HMCN1: variants seen among roughly 807,000 people sequenced by gnomAD.
HMCN1 encodes hemicentin-1.
In HMCN1, 321 loss-of-function variants were observed where a neutral mutation model predicts 625.9. That is an observed-to-expected ratio of 0.51 (90% confidence interval 0.47 to 0.56). The LOEUF (loss-of-function observed/expected upper bound fraction) is 0.56. HMCN1 is among the 20% of genes least tolerant of loss of function. The pLI is 0.00. For synonymous variants in HMCN1, 2,425 were observed against 2,417.6 expected, an observed-to-expected ratio of 1.00 and a Z score of -0.09; for missense variants, 6,588 against 6,887.3, an observed-to-expected ratio of 0.96 and a Z score of 1.54.
At chr1:185,964,133 A>G (rs1054236788) in intron 13 of HMCN1, among the ~76,000 whole-genome samples, 6 of 152,142 alleles carry the variant, frequency 3.9e-5, no homozygotes, top group Non-Finnish European at 8.8e-5. Flanking sequence ...GAATAATTTC[A>G]TATTGTCCAC....
chr1:186,014,058 C>T (rs1011951740), intron 30 of HMCN1, among the ~76,000 whole-genome samples: 1 of 152,048 alleles, frequency 6.6e-6, no homozygotes, highest in Non-Finnish European at 1.5e-5. Context: ...GCAAACACTA[C>T]CTTAGCCGGG....
At chr1:185,749,210 A>G (rs556552356) in intron 1 of HMCN1, among the ~76,000 whole-genome samples, 80 of 152,226 alleles carry the variant, frequency 5.3e-4, no homozygotes, top group Non-Finnish European at 1.0e-3. Context: ...GAGACTATAT[A>G]CTATTGGTGA....
intron 1 of HMCN1, among the ~76,000 whole-genome samples, chr1:185,746,949 CG>C (rs1365543776): frequency 1.3e-5 from 2 of 152,012 alleles, no homozygotes; most frequent in Non-Finnish European, 2.9e-5. Context: ...ATTGGATTAG[CG>C]GCCCACGATA....
intron 97 of HMCN1, among the ~76,000 whole-genome samples, chr1:186,162,478 G>T: frequency 6.6e-6 from 1 of 151,880 alleles, no homozygotes; most frequent in East Asian, 1.9e-4. Flanking sequence ...ATCCTTTGGA[G>T]GAGAGGTGCT....
chr1:185,904,453 A>G (rs1400364537), intron 4 of HMCN1, among the ~76,000 whole-genome samples: 1 of 151,902 alleles, frequency 6.6e-6, no homozygotes, highest in Non-Finnish European at 1.5e-5. Context: ...TTGGTGCCAA[A>G]ATAGTGATAA....
At chr1:185,919,393 A>G (rs1173486539) in intron 6 of HMCN1, among the ~76,000 whole-genome samples, 1 of 152,152 alleles carries the variant, frequency 6.6e-6, no homozygotes, top group Non-Finnish European at 1.5e-5. Context: ...ACTTTGATGC[A>G]GGGCAAAACT....
intron 36 of HMCN1, among the ~76,000 whole-genome samples, chr1:186,033,578 A>AT (rs1176204580): frequency 1.3e-5 from 2 of 148,516 alleles, no homozygotes. Flanking sequence ...ATTTGTATTA[A>AT]TTTTTATTGT....
At chr1:186,040,611 A>G (rs1656140241) in intron 39 of HMCN1, among the ~76,000 whole-genome samples, 1 of 152,162 alleles carries the variant, frequency 6.6e-6, no homozygotes, top group African/African-American at 2.4e-5. Flanking sequence ...TAGCTTATTA[A>G]TTAATTTGGC....
At chr1:185,989,273 G>A (rs1652237465) in intron 20 of HMCN1, among the ~76,000 whole-genome samples, 1 of 152,028 alleles carries the variant, frequency 6.6e-6, no homozygotes, top group Non-Finnish European at 1.5e-5. Flanking sequence ...GGGATTACAG[G>A]TGTGAGCCAC....
At chr1:186,037,757 A>AT (rs1007636744) in intron 36 of HMCN1, among the ~76,000 whole-genome samples, 177 bp from the exon 37 acceptor site, 8 of 152,230 alleles carry the variant, frequency 5.3e-5, no homozygotes, top group Middle Eastern at 6.8e-3. Flanking sequence ...ACTTATTTAC[A>AT]TTTTTTTAAA....
chr1:185,951,926 A>G lies in HMCN1; in HGVS notation c.1829-10592A>G, dbSNP rs796585463. On this transcript the variant is annotated intron_variant, in intron 11 of 106. Transcript: ENST00000271588. The stretch of plus-strand genomic sequence containing the variant: ...ACACCTTGAAGGTGAGGTTAATTAA[A>G]TCCTGTTGTGGGGTTTGAGGGCCGG... Among the ~76,000 whole-genome samples, 253 of 151,142 alleles carry G rather than the reference A, an allele frequency of 1.7e-3. 6 individuals are homozygous for G. The South Asian group carries it at 0.042, about 25-fold the overall frequency.
intron 1 of HMCN1, among the ~76,000 whole-genome samples, chr1:185,760,533 C>T (rs1655426217): frequency 6.6e-6 from 1 of 152,048 alleles, no homozygotes; most frequent in South Asian, 2.1e-4. Flanking sequence ...TAAATTTATT[C>T]ATTAAATATT....
intron 1 of HMCN1, among the ~76,000 whole-genome samples, chr1:185,775,969 GTGCTGT>G (rs1656577140): frequency 6.6e-6 from 1 of 152,170 alleles, no homozygotes; most frequent in Non-Finnish European, 1.5e-5. Flanking sequence ...GTATAGAAAA[GTGCTGT>G]CTCCCTTTAG....
rs1168734277 is a variant in HMCN1, at chr1:185,754,034, A to G, written c.268+18987A>G. 2.6e-5 allele frequency among the ~76,000 whole-genome samples: 4 copies of G among 152,204 alleles called. No individual in the cohort carries two copies. The East Asian group carries it at 7.7e-4, about 29-fold the overall frequency. On this transcript the variant is annotated intron_variant, in intron 1 of 106. Coordinates refer to ENST00000271588, the MANE Select transcript of HMCN1 (RefSeq NM_031935.3). ...GGAATCATTCTGCATCCATGGATGG[A>G]TGAATGGATAAAGAGATGTGGTATA...
intron 1 of HMCN1, among the ~76,000 whole-genome samples, chr1:185,755,484 C>T (rs10489713): frequency 0.037 from 5,702 of 152,196 alleles, 318 homozygotes; most frequent in African/African-American, 0.13. Context: ...TGGTTTTCCA[C>T]CTGAGAGTGC....
At chr1:185,958,361 C>T (rs1008687487) in intron 11 of HMCN1, among the ~76,000 whole-genome samples, 1 of 152,124 alleles carries the variant, frequency 6.6e-6, no homozygotes, top group East Asian at 1.9e-4. Context: ...TCAAGTGATC[C>T]TCCTGCCTTG....
chr1:186,106,981 T>C lies in HMCN1; in HGVS notation c.10852+16T>C. ...AGAGTGCATGGTAAATTTGACAAAATATCCTACAGTCTATCATACACACAC... is the reference window on the plus strand; with the variant it reads ...AGAGTGCATGGTAAATTTGACAAAACATCCTACAGTCTATCATACACACAC... On this transcript the variant is annotated intron_variant, in intron 70 of 106. Coordinates refer to ENST00000271588, the MANE Select transcript of HMCN1 (RefSeq NM_031935.3). 6.7e-7 allele frequency: 1 copy of C among 1,491,436 alleles called. No homozygotes were observed. Among genetic ancestry groups the C allele is most frequent in the Non-Finnish European group, 9.4e-7 (1 of 1,068,134 alleles). The allele number at this position is 1,491,436 out of a possible 1,614,324, so 92.4% of individuals were successfully genotyped here.
chr1:186,076,437 G>A lies in HMCN1; in HGVS notation c.8300G>A (p.Ser2767Asn), dbSNP rs1449323688. The A allele has an allele frequency of 9.3e-6, 15 of 1,613,276 alleles. No individual in the cohort carries two copies. Among genetic ancestry groups the A allele is most frequent in the African/African-American group, 6.7e-5 (5 of 74,864 alleles). ...TGCCTTTCCTCCATAGTTCCTCCAA[G>A]TTTTCAGAAACTCTGGGAAATAGGA... Reference protein sequence around the residue: ...DFDVNIQVPPSFQKLWEIGNM... With the variant: ...DFDVNIQVPPNFQKLWEIGNM... Residue 2767 changes from serine (S) to asparagine (N), a missense_variant, in exon 54 of 107, where the codon AGT (serine) becomes AAT (asparagine). Transcript: ENST00000271588.
At chr1:185,835,921 T>A (rs1408097264) in intron 1 of HMCN1, among the ~76,000 whole-genome samples, 3 of 152,158 alleles carry the variant, frequency 2.0e-5, no homozygotes, top group Non-Finnish European at 1.5e-5. Flanking sequence ...TGAAAAGGAA[T>A]TCTTTGTATA....
Sources: gnomAD v4.1 joint callset for allele counts (sites outside exome capture counted in the v4.1 genomes callset) on GRCh38, gnomAD v4.1.1 for gene constraint, MANE v1.5 for transcripts, NCBI Gene and HGNC (gene_info 2026-07-23, HGNC 2026-07-21) for gene names.